ITGA1: variants seen among roughly 807,000 people sequenced by gnomAD.
The protein encoded by ITGA1 is integrin alpha-1.
A neutral mutation model predicts 145.9 loss-of-function variants in ITGA1; 85 were observed. That is an observed-to-expected ratio of 0.58 (90% confidence interval 0.49 to 0.70). ITGA1 has a LOEUF of 0.70. Ranked by LOEUF, ITGA1 falls within the 30% of genes least tolerant of loss-of-function variation. The pLI, the probability that ITGA1 is intolerant of heterozygous loss-of-function variation, is 0.00. For synonymous variants in ITGA1, 520 were observed against 495.3 expected, an observed-to-expected ratio of 1.05 and a Z score of -0.66; for missense variants, 1,351 against 1,418.7, an observed-to-expected ratio of 0.95 and a Z score of 0.77.
intron 27 of ITGA1, among the ~76,000 whole-genome samples, chr5:52,946,737 C>G (rs528347313): frequency 6.6e-6 from 1 of 152,236 alleles, no homozygotes; most frequent in East Asian, 1.9e-4. Context: ...CATTTTACAG[C>G]TTTGCTTCAG....
At chr5:52,803,783 A>C (rs1194734138) in intron 1 of ITGA1, 1 of 152,150 alleles carries the variant, frequency 6.6e-6, no homozygotes, top group Non-Finnish European at 1.5e-5. Flanking sequence ...TCTTTTGTAG[A>C]CCTACTGAGA....
chr5:52,945,618 C>A (rs1404490775), intron 27 of ITGA1, among the ~76,000 whole-genome samples: 1 of 151,972 alleles, frequency 6.6e-6, no homozygotes, highest in Non-Finnish European at 1.5e-5. Flanking sequence ...CGGAGTAAGA[C>A]CCCATCTCTA....
chr5:52,867,863 G>A (rs1187110862), intron 6 of ITGA1, among the ~76,000 whole-genome samples: 3 of 151,616 alleles, frequency 2.0e-5, no homozygotes, highest in Non-Finnish European at 4.4e-5. Flanking sequence ...TTTTCTTTCT[G>A]AGGGCTCTAC....
At chr5:52,916,335 T>C (rs1476053416) in intron 15 of ITGA1, among the ~76,000 whole-genome samples, 2 of 151,386 alleles carry the variant, frequency 1.3e-5, no homozygotes, top group Non-Finnish European at 2.9e-5. Context: ...AAGGGTTTCA[T>C]AAATAAAATC....
chr5:52,893,141 C>T (rs963199107), intron 8 of ITGA1, among the ~76,000 whole-genome samples: 7 of 152,126 alleles, frequency 4.6e-5, no homozygotes, highest in Non-Finnish European at 8.8e-5. Flanking sequence ...TGGTTTCAAA[C>T]AAGAATATCT....
intron 8 of ITGA1, among the ~76,000 whole-genome samples, chr5:52,891,123 C>T (rs1336723930): frequency 6.6e-6 from 1 of 152,054 alleles, no homozygotes; most frequent in Admixed American, 6.6e-5. Flanking sequence ...TAAATCCATT[C>T]ATCCATTGAT....
At position 52,905,956 on chromosome 5, in the gene ITGA1, T is replaced by C. The variant is rs145338155; in HGVS notation, c.1455+48T>C. On this transcript the variant is annotated intron_variant, in intron 12 of 28. Transcript: ENST00000282588. The stretch of plus-strand genomic sequence containing the variant: ...TATTTAAATTAATCTATTCATACTC[T>C]ATGTATATTTACTGTCTATTGTCCT... 42 of 1,512,686 alleles carry C rather than the reference T, an allele frequency of 2.8e-5. 1 individual carries two copies. The East Asian group carries it at 9.9e-4, about 36-fold the overall frequency. The allele number at this position is 1,512,686 out of a possible 1,614,324, so 93.7% of individuals were successfully genotyped here.
At chr5:52,870,063 A>C (rs2111784900) in intron 6 of ITGA1, among the ~76,000 whole-genome samples, 1 of 152,374 alleles carries the variant, frequency 6.6e-6, no homozygotes, top group South Asian at 2.1e-4. Flanking sequence ...TTTTCAAAGA[A>C]AATATGTGCT....
chr5:52,920,974 T>G (rs1750722177), intron 17 of ITGA1, among the ~76,000 whole-genome samples: 1 of 126,186 alleles, frequency 7.9e-6, no homozygotes, highest in Non-Finnish European at 1.7e-5. Context: ...TCTGTAGGCT[T>G]TGTGCTACTT....
intron 1 of ITGA1, among the ~76,000 whole-genome samples, chr5:52,836,475 C>T (rs1341670042): frequency 1.3e-5 from 2 of 152,086 alleles, no homozygotes; most frequent in Admixed American, 1.3e-4. Flanking sequence ...AAATCTTTGT[C>T]TTTTTTTGGT....
At chr5:52,915,869 GAGA>G (rs1474313178) in intron 15 of ITGA1, among the ~76,000 whole-genome samples, 3 of 152,150 alleles carry the variant, frequency 2.0e-5, no homozygotes, top group Admixed American at 6.5e-5. Flanking sequence ...TATAGGGGAA[GAGA>G]AGATCTTATA....
At chr5:52,807,619 T>C (rs1347374528) in intron 1 of ITGA1, among the ~76,000 whole-genome samples, 1 of 152,200 alleles carries the variant, frequency 6.6e-6, no homozygotes, top group Non-Finnish European at 1.5e-5. Context: ...CCAAAGTTTA[T>C]GCAATCATTT....
chr5:52,820,950 A>C (rs1183100456), intron 1 of ITGA1, among the ~76,000 whole-genome samples: 4 of 152,142 alleles, frequency 2.6e-5, no homozygotes, highest in African/African-American at 9.7e-5. Context: ...TTTAGTCCTT[A>C]ATATCTCTAT....
At chr5:52,854,213 C>T (rs1403343619) in intron 2 of ITGA1, among the ~76,000 whole-genome samples, 1 of 152,096 alleles carries the variant, frequency 6.6e-6, no homozygotes, top group Non-Finnish European at 1.5e-5. Flanking sequence ...GTCAGGGTAC[C>T]AATGGGCTCA....
chr5:52,943,885 G>A (rs1248339827), intron 26 of ITGA1, among the ~76,000 whole-genome samples: 2 of 152,170 alleles, frequency 1.3e-5, no homozygotes, highest in African/African-American at 2.4e-5. Context: ...TCAGGCTCTG[G>A]TTGCTTTGGA....
chr5:52,911,424 TAG>T (rs1359838905), intron 14 of ITGA1, among the ~76,000 whole-genome samples: 12 of 134,158 alleles, frequency 8.9e-5, no homozygotes, highest in Non-Finnish European at 9.3e-5. Context: ...ATACACTATA[TAG>T]ATACTATATA....
chr5:52,808,570 G>A (rs1328233211), intron 1 of ITGA1, among the ~76,000 whole-genome samples: 1 of 150,038 alleles, frequency 6.7e-6, no homozygotes, highest in Non-Finnish European at 1.5e-5. Context: ...TTAATCTTGT[G>A]TTTCAGCTCA....
intron 1 of ITGA1, chr5:52,801,744 A>G (rs1748491583): frequency 1.2e-6 from 2 of 1,614,130 alleles, no homozygotes; most frequent in East Asian, 2.2e-5. Context: ...TTTCTGGGGA[A>G]CAGCTCAGCC....
intron 1 of ITGA1, chr5:52,800,732 C>T (rs774188716): frequency 6.2e-7 from 1 of 1,614,226 alleles, no homozygotes; most frequent in Non-Finnish European, 8.5e-7. Context: ...TTCACCCTGG[C>T]CAAGAAGCAG....
Sources: allele counts gnomAD v4.1 joint callset (sites outside exome capture counted in the v4.1 genomes callset), GRCh38; gene constraint gnomAD v4.1.1; transcripts MANE v1.5; gene names NCBI Gene and HGNC (gene_info 2026-07-23, HGNC 2026-07-21).